Variants in TJP1 observed in about 807,000 individuals in gnomAD.
TJP1 encodes the protein tight junction protein 1, also known as tight junction protein ZO-1.
TJP1 carries 43 observed loss-of-function variants against 194.2 expected under a neutral mutation model. The observed-to-expected ratio is 0.22, with a 90% CI of 0.17 to 0.29. The LOEUF is 0.29. TJP1 is among the 10% of genes least tolerant of loss of function. The pLI is 1.00. For missense variants in TJP1, 1,971 were observed against 2,185.7 expected (o/e 0.90, Z 1.96); for synonymous variants, 801 against 779.0 (o/e 1.03, Z -0.47).
chr15:29,708,833 G>A lies in TJP1; in HGVS notation c.4576C>T (p.Arg1526Ter). The part of the protein sequence containing the change: ...TQKTVTPAYN[R>*]FTPKPYTSSA... ...CTTGTATATGGTTTTGGTGTGAATC[G>A]ATTGTATGCTGGAGTGACTGTTTTC... is the stretch of plus-strand genomic sequence containing the variant. The change falls in exon 25 of 28, where the codon CGA becomes TGA. Residue 1526 changes from arginine to a stop codon, truncating the protein, a stop_gained. Transcript: ENST00000614355. LOFTEE classifies it high-confidence loss of function. 2 of 1,614,130 alleles carry A rather than the reference G, an allele frequency of 1.2e-6. No individual in the cohort carries two copies. Among genetic ancestry groups the A allele is most frequent in the Non-Finnish European group, 1.7e-6 (2 of 1,180,024 alleles).
intron 2 of TJP1, among the ~76,000 whole-genome samples, chr15:29,881,786 T>C (rs542594158): frequency 1.3e-5 from 2 of 152,214 alleles, no homozygotes; most frequent in South Asian, 4.1e-4. Context: ...TTCTGGACAA[T>C]AAAACTACGA....
chr15:29,847,431 T>G (rs768463637), intron 2 of TJP1, among the ~76,000 whole-genome samples: 7 of 152,182 alleles, frequency 4.6e-5, no homozygotes, highest in Non-Finnish European at 8.8e-5. Context: ...TTGCTCTCCT[T>G]TTTCTAGGTT....
At chr15:29,707,558 C>T (rs1014784953) in intron 25 of TJP1, among the ~76,000 whole-genome samples, 6 of 152,224 alleles carry the variant, frequency 3.9e-5, no homozygotes, top group African/African-American at 1.4e-4. Flanking sequence ...GTTCTCCCTG[C>T]CTGCAAGTGC....
chr15:29,910,947 A>G (rs2053992596), intron 2 of TJP1, among the ~76,000 whole-genome samples: 1 of 152,232 alleles, frequency 6.6e-6, no homozygotes, highest in Admixed American at 6.5e-5. Flanking sequence ...AGAGTACATC[A>G]ACGGGTGCCC....
chr15:29,943,628 C>CAAAAA (rs71103417), intron 2 of TJP1, among the ~76,000 whole-genome samples: 2 of 51,018 alleles, frequency 3.9e-5, no homozygotes, highest in Admixed American at 2.9e-4. Flanking sequence ...GACTCCATCT[C>CAAAAA]AAAAAAAAAA....
chr15:29,817,700 T>G (rs565601970), intron 1 of TJP1, among the ~76,000 whole-genome samples: 3 of 152,186 alleles, frequency 2.0e-5, no homozygotes, highest in African/African-American at 7.2e-5. Context: ...CGGACGAAGC[T>G]GGAAGCTATC....
intron 2 of TJP1, among the ~76,000 whole-genome samples, chr15:29,868,222 A>C (rs2052374972): frequency 6.6e-6 from 1 of 152,176 alleles, no homozygotes; most frequent in Non-Finnish European, 1.5e-5. Context: ...CCTCTCTCAA[A>C]AGGAAAAAAT....
At chr15:29,939,014 A>T (rs1441521380) in intron 2 of TJP1, among the ~76,000 whole-genome samples, 2 of 152,176 alleles carry the variant, frequency 1.3e-5, no homozygotes, top group African/African-American at 4.8e-5. Context: ...AAGATTTAGG[A>T]TACCATCTAC....
At chr15:29,735,548 C>T (rs2043969522) in intron 11 of TJP1, among the ~76,000 whole-genome samples, 1 of 147,298 alleles carries the variant, frequency 6.8e-6, no homozygotes, top group Admixed American at 6.9e-5. Flanking sequence ...GATCACACCA[C>T]TGCATTCCAG....
At chr15:29,869,542 G>A (rs1158155294) in intron 2 of TJP1, among the ~76,000 whole-genome samples, 1 of 152,116 alleles carries the variant, frequency 6.6e-6, no homozygotes. Context: ...TCTGCACTAA[G>A]GTCCAGATTC....
At chr15:29,788,732 A>G (rs375736208) in intron 2 of TJP1, among the ~76,000 whole-genome samples, 1 of 152,320 alleles carries the variant, frequency 6.6e-6, no homozygotes, top group Non-Finnish European at 1.5e-5. Flanking sequence ...CTTTTACATA[A>G]TTCTATTTTA....
At chr15:29,724,071 G>T (rs1181368057) in intron 18 of TJP1, among the ~76,000 whole-genome samples, 1 of 152,216 alleles carries the variant, frequency 6.6e-6, no homozygotes, top group Non-Finnish European at 1.5e-5. Flanking sequence ...AGCAGGTTTG[G>T]TGTGGCTCTG....
At chr15:29,723,428 A>T (rs2043055015) in intron 18 of TJP1, among the ~76,000 whole-genome samples, 1 of 152,168 alleles carries the variant, frequency 6.6e-6, no homozygotes, top group South Asian at 2.1e-4. Context: ...CATGTAAGAC[A>T]TGCTTTTTCC....
intron 2 of TJP1, among the ~76,000 whole-genome samples, chr15:29,889,821 T>C (rs1025261026): frequency 6.6e-6 from 1 of 152,244 alleles, no homozygotes; most frequent in Non-Finnish European, 1.5e-5. Context: ...AAAGTGGTTT[T>C]ACAAAAGTCA....
chr15:29,942,487 A>C (rs2055115167), intron 2 of TJP1, among the ~76,000 whole-genome samples: 1 of 152,238 alleles, frequency 6.6e-6, no homozygotes, highest in South Asian at 2.1e-4. Context: ...TTTAATCAAG[A>C]AAGTATCCAT....
chr15:29,953,164 C>T (rs535517115), intron 2 of TJP1, among the ~76,000 whole-genome samples: 8 of 28,834 alleles, frequency 2.8e-4, no homozygotes, highest in East Asian at 5.9e-3. Context: ...TTTTTTGCAA[C>T]GGAGTCTCGC....
chr15:29,923,449 T>C (rs2152254846), intron 2 of TJP1, among the ~76,000 whole-genome samples: 1 of 152,308 alleles, frequency 6.6e-6, no homozygotes, highest in East Asian at 1.9e-4. Flanking sequence ...GCCCTTCTGC[T>C]GATGTGATAT....
At chr15:29,781,977 T>C (rs1449663808) in intron 2 of TJP1, among the ~76,000 whole-genome samples, 1 of 152,000 alleles carries the variant, frequency 6.6e-6, no homozygotes, top group African/African-American at 2.4e-5. Flanking sequence ...CCAGAGCAAT[T>C]AGGTAAGAGA....
intron 1 of TJP1, among the ~76,000 whole-genome samples, chr15:29,967,241 G>T (rs897808688): frequency 6.6e-6 from 1 of 151,816 alleles, no homozygotes; most frequent in South Asian, 2.1e-4. Flanking sequence ...TCACCATGTT[G>T]GTCAGGCTGG....
Sources: allele counts gnomAD v4.1 joint callset (sites outside exome capture counted in the v4.1 genomes callset), GRCh38; gene constraint gnomAD v4.1.1; transcripts MANE v1.5; gene names NCBI Gene and HGNC (gene_info 2026-07-23, HGNC 2026-07-21).